SLC11A1: variants seen among roughly 807,000 people sequenced by gnomAD.
SLC11A1 encodes the protein natural resistance-associated macrophage protein 1.
SLC11A1 carries 59 observed loss-of-function variants against 63.2 expected under a neutral mutation model. The observed-to-expected ratio is 0.93, with a 90% CI of 0.76 to 1.16. The LOEUF (loss-of-function observed/expected upper bound fraction) is 1.16, where lower values mean the gene tolerates loss of function less well. SLC11A1 is among the 50% of genes most tolerant of loss of function. The pLI, the probability that SLC11A1 is intolerant of heterozygous loss-of-function variation, is 0.00. For missense variants in SLC11A1, 688 were observed against 730.7 expected (o/e 0.94, Z 0.67); for synonymous variants, 305 against 307.8 (o/e 0.99, Z 0.09).
Position 218,385,127 on chromosome 2 carries a change from C to T in SLC11A1, c.274-20C>T. On this transcript the variant is annotated intron_variant, in intron 3 of 14. Coordinates refer to ENST00000233202, the MANE Select transcript of SLC11A1 (RefSeq NM_000578.4). ...GAGGCTGGCCTCTCTGGCTGAAGGC[C>T]TCTCCCTGCCTCCTCACAGCTTCTC... 6.2e-7 allele frequency: 1 copy of T among 1,612,918 alleles called. No individual in the cohort carries two copies. The highest frequency in any genetic ancestry group is 8.5e-7 in the Non-Finnish European group (1 of 1,179,596).
intron 9 of SLC11A1, among the ~76,000 whole-genome samples, chr2:218,390,429 T>C (rs558484340): frequency 7.9e-5 from 12 of 152,298 alleles, no homozygotes; most frequent in African/African-American, 2.9e-4. Context: ...TTTGTGCTAA[T>C]ACTGGAAAAG....
chr2:218,394,058 C>T (rs1696606787), intron 12 of SLC11A1, 62 bp from the exon 13 acceptor site: 1 of 1,572,954 alleles, frequency 6.4e-7, no homozygotes, highest in Non-Finnish European at 8.7e-7. Context: ...CCCATCTTGC[C>T]CCCACCCTTG....
chr2:218,391,764 A>C, intron 11 of SLC11A1: 1 of 389,962 alleles, frequency 2.6e-6, no homozygotes, highest in East Asian at 5.4e-5. Context: ...CTGGGATTTC[A>C]GGCACCTGCC....
In SLC11A1 at chr2:218,387,257, G is replaced by A. The variant is rs374654095; in HGVS notation, c.571+27G>A. 14 of 1,595,960 alleles carry A rather than the reference G, an allele frequency of 8.8e-6. No homozygotes were observed. In the African/African-American group the frequency reaches 1.3e-4, roughly 15 times the overall value. ...TGGGTGCACACCCCACCTCATAGGG[G>A]AGTGGTGGTGGTGAGGGTGCTGTAC... On this transcript the variant is annotated intron_variant, in intron 6 of 14. Transcript: ENST00000233202.
Position 218,384,449 on chromosome 2 carries a change from T to C in SLC11A1, c.273+84T>C. 6.7e-7 allele frequency: 1 copy of C among 1,483,172 alleles called. No individual in the cohort carries two copies. Among genetic ancestry groups the C allele is most frequent in the South Asian group, 1.3e-5 (1 of 78,232 alleles). 91.9% of individuals were successfully genotyped at this position (1,483,172 alleles called of 1,614,324 possible). A position where few individuals can be genotyped will look rare whatever the true frequency, so the allele number is the denominator to read the frequency against. ...GTTGAAGGCCCCTGCTGGCCATGTT[T>C]CTCCAATGTGGCCTGGGAGCTGGTG... On this transcript the variant is annotated intron_variant, in intron 3 of 14. Coordinates refer to ENST00000233202, the MANE Select transcript of SLC11A1 (RefSeq NM_000578.4). This position sits in a 1 kb window ranked among gnomAD's most constrained non-coding sequence, Gnocchi z 4.0.
At chr2:218,393,408 A>C (rs1432470225) in intron 12 of SLC11A1, among the ~76,000 whole-genome samples, 3 of 144,366 alleles carry the variant, frequency 2.1e-5, no homozygotes, top group Non-Finnish European at 4.5e-5. Flanking sequence ...CCCTGTCTCT[A>C]GCAATCTTCC....
intron 4 of SLC11A1, 64 bp downstream of exon 4, chr2:218,385,330 C>T: frequency 6.2e-7 from 1 of 1,603,816 alleles, no homozygotes; most frequent in Non-Finnish European, 8.5e-7. Flanking sequence ...CCATTTTCAG[C>T]TTCCACGATC....
At chr2:218,389,794 T>A in intron 8 of SLC11A1, 76 bp from the exon 9 acceptor site, 1 of 1,480,758 alleles carries the variant, frequency 6.8e-7, no homozygotes, top group Non-Finnish European at 9.2e-7. Context: ...GGGGAGAACA[T>A]AGAAGTGTGA....
chr2:218,382,636 G>A (rs910503657), intron 1 of SLC11A1, among the ~76,000 whole-genome samples: 4 of 152,164 alleles, frequency 2.6e-5, no homozygotes, highest in African/African-American at 4.8e-5. Context: ...CTGGGCTGCC[G>A]GAGAAGGTGA....
In SLC11A1 at chr2:218,389,900, G is replaced by A. The variant is rs771640591; in HGVS notation, c.826G>A (p.Asp276Asn). Residue 276 changes from aspartate (D) to asparagine (N), a missense_variant, in exon 9 of 15, where the codon GAC becomes AAC. By Grantham distance (23) the Asp-to-Asn change is conservative (BLOSUM62 1). Transcript: ENST00000233202. ...AGAGATAGACCGGGCCCGCCGAGCA[G>A]ACATCAGAGAAGCCAACATGTACTT... ...SREIDRARRA[D>N]IREANMYFLI... The A allele has an allele frequency of 5.0e-6, 8 of 1,613,582 alleles. No individual in the cohort carries two copies. In the East Asian group the frequency reaches 1.6e-4, roughly 31 times the overall value.
In SLC11A1 at chr2:218,394,481, G is replaced by A. The variant is rs556299180; in HGVS notation, c.1389-151G>A. On this transcript the variant is annotated intron_variant, in intron 13 of 14. Transcript: ENST00000233202. Reference sequence around the variant, plus strand: ...GGAGGGCCCAGGAGGCAGGAGGTGGGGAGGGGGTCTGTCTGCTCCAGGTCC... The same window carrying A: ...GGAGGGCCCAGGAGGCAGGAGGTGGAGAGGGGGTCTGTCTGCTCCAGGTCC... 1.8e-3 allele frequency: 1,568 copies of A among 860,772 alleles called. 2 individuals carry two copies. Among genetic ancestry groups the A allele is most frequent in the Admixed American group, 2.5e-3 (97 of 38,866 alleles). 53.3% of individuals were successfully genotyped at this position (860,772 alleles called of 1,614,324 possible).
intron 4 of SLC11A1, chr2:218,385,686 C>T (rs1696064206): frequency 1.1e-5 from 4 of 355,338 alleles, no homozygotes; most frequent in Admixed American, 3.9e-5. Context: ...CCACTGCATC[C>T]GGCCCCAATT....
Position 218,384,407 on chromosome 2 carries a change from A to C in SLC11A1, c.273+42A>C, listed in dbSNP as rs373993383. On this transcript the variant is annotated intron_variant, in intron 3 of 14. Transcript: ENST00000233202. The surrounding 1 kb of genome is among the most constrained non-coding windows in gnomAD (Gnocchi z 4.0). ...CTGAGTGGGGACACTTTCGAGAGGG[A>C]GGTGACCAGGCTAAGTGTTGAAGGC... 1.3e-6 allele frequency: 2 copies of C among 1,569,940 alleles called. No homozygotes were observed. Among genetic ancestry groups the C allele is most frequent in the Non-Finnish European group, 1.7e-6 (2 of 1,148,574 alleles).
intron 9 of SLC11A1, among the ~76,000 whole-genome samples, 195 bp downstream of exon 9, chr2:218,390,223 G>C (rs1696350191): frequency 6.6e-6 from 1 of 152,062 alleles, no homozygotes; most frequent in East Asian, 1.9e-4. Flanking sequence ...AGACCCTGGG[G>C]ATACAGCAGT....
intron 7 of SLC11A1, 54 bp from the exon 8 acceptor site, chr2:218,387,746 C>T: frequency 4.3e-6 from 7 of 1,611,898 alleles, no homozygotes; most frequent in Non-Finnish European, 5.9e-6. Context: ...GAAATGGTGA[C>T]CGCGGCGTGG....
chr2:218,383,300 A>G (rs1695904372), intron 2 of SLC11A1, 198 bp downstream of exon 2: 4 of 587,950 alleles, frequency 6.8e-6, no homozygotes, highest in South Asian at 4.4e-5. Context: ...TATTTGTCTA[A>G]AAGCGATTAA....
rs1696781735 is a variant in SLC11A1 at position 218,396,525 on chromosome 2, T to G, written c.*1490T>G. ...TGGCTCCGCGCTCAGGTCCGGACGC[T>G]TGTTTATGAGAAGAATTTCCTCTTT... On this transcript the variant is annotated 3_prime_UTR_variant, in exon 15 of 15. Coordinates refer to ENST00000233202, the MANE Select transcript of SLC11A1 (RefSeq NM_000578.4). The G allele has an allele frequency of 1.3e-5, 2 of 152,408 alleles. No individual in the cohort carries two copies. Among genetic ancestry groups the G allele is most frequent in the South Asian group, 4.1e-4 (2 of 4,840 alleles). 9.4% of individuals were successfully genotyped at this position (152,408 alleles called of 1,614,324 possible).
At chr2:218,394,829 G>A in intron 14 of SLC11A1, 44 bp downstream of exon 14, 1 of 1,609,096 alleles carries the variant, frequency 6.2e-7, no homozygotes. Context: ...ATGAGGGAAG[G>A]ACAAGAGGCA....
At chr2:218,392,842 G>C in intron 11 of SLC11A1, 139 bp from the exon 12 acceptor site, 1 of 626,354 alleles carries the variant, frequency 1.6e-6, no homozygotes, top group East Asian at 3.4e-5. Context: ...TGCCACCTAG[G>C]GACAGAGCTG....
Sources: gnomAD v4.1 joint callset for allele counts (sites outside exome capture counted in the v4.1 genomes callset) on GRCh38, gnomAD v4.1.1 for gene constraint, Gnocchi (gnomAD v3.1) non-coding constraint, MANE v1.5 for transcripts, NCBI Gene and HGNC (gene_info 2026-07-23, HGNC 2026-07-21) for gene names.